NBAS: variants seen among roughly 807,000 people sequenced by gnomAD.
NBAS encodes NAG/BC035112 fusion.
A neutral mutation model predicts 302.5 loss-of-function variants in NBAS; 219 were observed. The observed-to-expected ratio is 0.72, with a 90% CI of 0.65 to 0.81. The LOEUF is 0.81. Ranked by LOEUF, NBAS falls within the 30% of genes least tolerant of loss-of-function variation. The pLI is 0.00. For missense variants in NBAS, 2,932 were observed against 2,841.6 expected (o/e 1.03, Z -0.72); for synonymous variants, 1,118 against 1,021.6 (o/e 1.09, Z -1.80).
At chr2:14,923,084 G>A in the NBAS span, among the ~76,000 whole-genome samples, 1 of 152,154 alleles carries the variant, frequency 6.6e-6, no homozygotes, top group Non-Finnish European at 1.5e-5. Flanking sequence ...CCCGGGAAGC[G>A]GAGCTTGCAG....
intron 19 of NBAS, among the ~76,000 whole-genome samples, chr2:15,463,788 C>CAAAAACAAAAAAA (rs1679606991): frequency 1.1e-5 from 1 of 91,650 alleles, no homozygotes. Context: ...GAACCAAATG[C>CAAAAACAAAAAAA]AAAAAAAAAA....
Position 15,298,770 on chromosome 2 carries a change from T to TA in NBAS, c.4798-6005dup, listed in dbSNP as rs1670663129. Among the ~76,000 whole-genome samples the TA allele has an allele frequency of 3.3e-5, 5 of 152,256 alleles. 1 individual carries two copies. In the South Asian group the frequency reaches 1.0e-3, roughly 32 times the overall value. ...ATTCACTGCACAAGTACACAACAAT[T>TA]AAAGTTTCGAAAGCATTTTCACGTG... is the stretch of plus-strand genomic sequence containing the variant. On this transcript the variant is annotated intron_variant, in intron 40 of 51. Coordinates refer to ENST00000281513, the MANE Select transcript of NBAS (RefSeq NM_015909.4).
the NBAS span, among the ~76,000 whole-genome samples, chr2:14,807,351 ACTT>A: frequency 6.6e-6 from 1 of 152,212 alleles, no homozygotes; most frequent in Admixed American, 6.5e-5. Context: ...AAATGTCCAA[ACTT>A]CTTGTTTTTT....
the NBAS span, among the ~76,000 whole-genome samples, chr2:14,902,142 A>G: frequency 6.6e-6 from 1 of 151,762 alleles, no homozygotes; most frequent in Non-Finnish European, 1.5e-5. Context: ...TTTCTCTTTC[A>G]TTTTTTTGAG....
At chr2:15,215,469 C>A (rs1666610422) in intron 48 of NBAS, among the ~76,000 whole-genome samples, 1 of 152,168 alleles carries the variant, frequency 6.6e-6, no homozygotes, top group African/African-American at 2.4e-5. Flanking sequence ...GGGTTGGCAG[C>A]CACAGTGAAA....
chr2:14,854,051 A>C, the NBAS span, among the ~76,000 whole-genome samples: 2 of 149,486 alleles, frequency 1.3e-5, no homozygotes, highest in Non-Finnish European at 3.0e-5. Context: ...GTGCACATGT[A>C]CCCTAAAACT....
intron 26 of NBAS, among the ~76,000 whole-genome samples, chr2:15,399,286 C>T (rs766990526): frequency 1.3e-5 from 2 of 151,870 alleles, no homozygotes; most frequent in Non-Finnish European, 2.9e-5. Flanking sequence ...TCCCACAGAG[C>T]CCAGCAAGGA....
the NBAS span, among the ~76,000 whole-genome samples, chr2:14,995,467 GT>G: frequency 3.9e-5 from 6 of 152,328 alleles, no homozygotes; most frequent in African/African-American, 1.4e-4. Context: ...GCCACGGGCT[GT>G]TGCACCTGTT....
the NBAS span, among the ~76,000 whole-genome samples, chr2:14,884,980 G>C: frequency 6.6e-6 from 1 of 152,180 alleles, no homozygotes; most frequent in Non-Finnish European, 1.5e-5. Flanking sequence ...GTGAGACAAA[G>C]GGAGAGAGAA....
In NBAS at chr2:15,417,677, C is replaced by T. The variant is rs1232767462; in HGVS notation, c.2613G>A (p.Met871Ile). 6.2e-7 allele frequency: 1 copy of T among 1,613,946 alleles called. No homozygotes were observed. The highest frequency in any genetic ancestry group is 8.5e-7 in the Non-Finnish European group (1 of 1,179,960). ...DCALSLIRLG[M>I]ERNIPGLLVL... is the part of the protein sequence containing the mutation. ...CCAGCAAACCAGGAATATTCCGCTC[C>T]ATCCCAAGTCGAATAAGTGACAATG... The change falls in exon 24 of 52, where the codon ATG (methionine) becomes ATA (isoleucine). Residue 871 changes from methionine (M) to isoleucine (I), a missense_variant. Coordinates refer to ENST00000281513, the MANE Select transcript of NBAS (RefSeq NM_015909.4).
chr2:15,221,066 A>C (rs1477401359), intron 47 of NBAS, among the ~76,000 whole-genome samples: 1 of 152,208 alleles, frequency 6.6e-6, no homozygotes, highest in African/African-American at 2.4e-5. Context: ...AATTTTACCT[A>C]TAAGATTCCT....
downstream of NBAS, among the ~76,000 whole-genome samples, chr2:15,164,747 A>G (rs976321895): frequency 6.6e-6 from 1 of 152,232 alleles, no homozygotes; most frequent in Non-Finnish European, 1.5e-5. Flanking sequence ...ATACCAGCAC[A>G]AAGAGGAACG....
intron 35 of NBAS, among the ~76,000 whole-genome samples, chr2:15,350,086 C>T (rs1460282416): frequency 6.6e-6 from 1 of 152,038 alleles, no homozygotes; most frequent in Admixed American, 6.6e-5. Flanking sequence ...GATCCATGTT[C>T]ACCAAATTAA....
chr2:14,835,094 C>T, the NBAS span, among the ~76,000 whole-genome samples: 2 of 151,916 alleles, frequency 1.3e-5, no homozygotes, highest in Non-Finnish European at 2.9e-5. Context: ...CATATTGATC[C>T]CTGGCCTAGA....
chr2:15,109,470 T>C, the NBAS span, among the ~76,000 whole-genome samples: 1 of 152,274 alleles, frequency 6.6e-6, no homozygotes, highest in Middle Eastern at 3.4e-3. Context: ...GCTATGGAAC[T>C]ATGGGGTGCT....
the NBAS span, among the ~76,000 whole-genome samples, chr2:15,034,816 C>T: frequency 6.6e-6 from 1 of 152,072 alleles, no homozygotes; most frequent in Non-Finnish European, 1.5e-5. Flanking sequence ...TAATACCAGC[C>T]CTTCCTCAGG....
the NBAS span, among the ~76,000 whole-genome samples, chr2:15,009,361 A>G: frequency 6.6e-6 from 1 of 152,110 alleles, no homozygotes; most frequent in Non-Finnish European, 1.5e-5. Flanking sequence ...GTAAATACCC[A>G]TTAGAAAAAG....
At chr2:15,369,164 T>C (rs1674366437) in intron 31 of NBAS, among the ~76,000 whole-genome samples, 3 of 152,218 alleles carry the variant, frequency 2.0e-5, no homozygotes, top group Admixed American at 2.0e-4. Context: ...TTATCTGCAT[T>C]CCACATATGT....
chr2:15,209,836 C>A (rs994458615), intron 48 of NBAS, among the ~76,000 whole-genome samples: 1 of 152,016 alleles, frequency 6.6e-6, no homozygotes, highest in Non-Finnish European at 1.5e-5. Context: ...TACAGTAAAC[C>A]CATTTTTGAC....
Sources: gnomAD v4.1 joint callset for allele counts (sites outside exome capture counted in the v4.1 genomes callset) on GRCh38, gnomAD v4.1.1 for gene constraint, MANE v1.5 for transcripts, NCBI Gene and HGNC (gene_info 2026-07-23, HGNC 2026-07-21) for gene names.